SLC17A6: variants seen among roughly 807,000 people sequenced by gnomAD.
The protein encoded by SLC17A6 is vesicular glutamate transporter 2.
SLC17A6 carries 35 observed loss-of-function variants against 67.1 expected under a neutral mutation model. The ratio of observed to expected loss-of-function variants is 0.52; its 90% CI spans 0.40 to 0.69. The LOEUF is 0.69. Among genes scored for constraint, SLC17A6 ranks in the 30% least tolerant of loss-of-function variants. The pLI is 0.00. For missense variants in SLC17A6, 588 were observed against 723.9 expected, an observed-to-expected ratio of 0.81 and a Z score of 2.15; for synonymous variants, 285 against 252.3, an observed-to-expected ratio of 1.13 and a Z score of -1.23.
chr11:22,350,017 T>G (rs1028308919), intron 3 of SLC17A6, among the ~76,000 whole-genome samples: 1 of 152,160 alleles, frequency 6.6e-6, no homozygotes, highest in East Asian at 1.9e-4. Context: ...TCTGTAGAAG[T>G]GACAAGTCAC....
intron 3 of SLC17A6, among the ~76,000 whole-genome samples, chr11:22,346,469 C>T (rs1855876928): frequency 6.6e-6 from 1 of 152,118 alleles, no homozygotes; most frequent in Admixed American, 6.5e-5. Context: ...AACCCAGTCT[C>T]AGAGGAAGGA....
chr11:22,364,377 A>G (rs1048206870), intron 6 of SLC17A6, among the ~76,000 whole-genome samples: 1 of 152,090 alleles, frequency 6.6e-6, no homozygotes, highest in Non-Finnish European at 1.5e-5. Flanking sequence ...TACCTCCTTT[A>G]ACTTTTCTAT....
At chr11:22,369,231 G>A (rs1856146700) in intron 7 of SLC17A6, among the ~76,000 whole-genome samples, 1 of 151,942 alleles carries the variant, frequency 6.6e-6, no homozygotes, top group Admixed American at 6.6e-5. Context: ...ATTAGTCTTG[G>A]GGGAGAATAT....
rs1037109757 is a variant in SLC17A6 at position 22,377,574 on chromosome 11, C to G, written c.1583C>G (p.Thr528Arg). ...FIHEDELDEE[T>R]GDITQNYINY... ...CATGAAGATGAACTCGATGAAGAAA[C>G]AGGGGACATTACTCAAAATTATATA... Residue 528 changes from threonine to arginine, a missense_variant, in exon 12 of 12, where the codon ACA (threonine) becomes AGA (arginine). Transcript: ENST00000263160. 4 of 1,613,920 alleles carry G rather than the reference C, an allele frequency of 2.5e-6. No individual in the cohort carries two copies. The highest frequency in any genetic ancestry group is 2.5e-6 in the Non-Finnish European group (3 of 1,179,996).
chr11:22,360,824 G>C lies in SLC17A6; in HGVS notation c.574-73G>C, dbSNP rs528810688. On this transcript the variant is annotated intron_variant, in intron 4 of 11. Transcript: ENST00000263160. ...TGGAAGGAAGTCTGAAGGGCAGGGA[G>C]GATTTGTACAGGATACTAAAAAGAC... The C allele has an allele frequency of 3.8e-5, 49 of 1,290,512 alleles. No individual in the cohort carries two copies. The African/African-American group carries it at 6.0e-4, about 16-fold the overall frequency. The allele number at this position is 1,290,512 out of a possible 1,614,324, so 79.9% of individuals were successfully genotyped here. A position where few individuals can be genotyped will look rare whatever the true frequency, so the allele number is the denominator to read the frequency against.
chr11:22,356,759 C>T (rs1418811285), intron 3 of SLC17A6, among the ~76,000 whole-genome samples: 1 of 152,166 alleles, frequency 6.6e-6, no homozygotes, highest in Non-Finnish European at 1.5e-5. Context: ...TTGCTTGAAC[C>T]CAGGAGGCAG....
At position 22,338,614 on chromosome 11, in the gene SLC17A6, C is replaced by T. The variant is rs1590374145; in HGVS notation, c.81C>T (p.Ile27=). Reference sequence around the variant, plus strand: ...TTGCTGGAAAATCACTCGGCCAGATCTACAGGTAAGACAAAGCGAACACTT... The same window carrying T: ...TTGCTGGAAAATCACTCGGCCAGATTTACAGGTAAGACAAAGCGAACACTT... The part of the protein sequence containing the change: ...KNFAGKSLGQ[I]YRVLEKKQDT... The change falls in exon 1 of 12, where the codon ATC becomes ATT. Residue 27 remains isoleucine (I), a synonymous_variant. Coordinates refer to ENST00000263160, the MANE Select transcript of SLC17A6 (RefSeq NM_020346.3). 6.2e-7 allele frequency: 1 copy of T among 1,612,314 alleles called. No individual in the cohort carries two copies. The highest frequency in any genetic ancestry group is 8.5e-7 in the Non-Finnish European group (1 of 1,178,864).
Position 22,376,013 on chromosome 11 carries a change from C to G in SLC17A6, c.1206C>G (p.Val402=). 6.2e-7 allele frequency: 1 copy of G among 1,609,816 alleles called. No homozygotes were observed. The highest frequency in any genetic ancestry group is 1.1e-5 in the South Asian group (1 of 90,124). ...GFGMEATLLL[V]VGYSHTRGVA... is the part of the protein sequence containing the mutation. The stretch of plus-strand genomic sequence containing the variant: ...GCATGGAAGCCACACTGCTCCTGGT[C>G]GTTGGCTATTCTCATACTAGAGGGG... The change falls in exon 10 of 12, where the codon GTC becomes GTG. Residue 402 remains valine, a synonymous_variant. Coordinates refer to ENST00000263160, the MANE Select transcript of SLC17A6 (RefSeq NM_020346.3).
intron 3 of SLC17A6, among the ~76,000 whole-genome samples, chr11:22,354,834 T>C (rs979441098): frequency 2.0e-5 from 3 of 152,222 alleles, no homozygotes; most frequent in Non-Finnish European, 1.5e-5. Flanking sequence ...TCTAATATTG[T>C]TGTTCAGTAA....
At chr11:22,353,206 CATG>C (rs1855961521) in intron 3 of SLC17A6, among the ~76,000 whole-genome samples, 2 of 152,100 alleles carry the variant, frequency 1.3e-5, no homozygotes, top group Non-Finnish European at 1.5e-5. Flanking sequence ...ATTTAGTCTT[CATG>C]ATACTTTTTT....
intron 1 of SLC17A6, among the ~76,000 whole-genome samples, chr11:22,339,975 A>T (rs6483847): frequency 0.16 from 24,633 of 152,080 alleles, 2,362 homozygotes; most frequent in East Asian, 0.46. Context: ...GTTTTCTAAC[A>T]TTGTGATCGG....
At chr11:22,338,708 T>C in intron 1 of SLC17A6, 89 bp downstream of exon 1, 1 of 946,220 alleles carries the variant, frequency 1.1e-6, no homozygotes, top group Non-Finnish European at 1.7e-6. Context: ...CTCAGAAAGA[T>C]TGTAATATGA....
rs190352095 is a variant in SLC17A6 at position 22,363,286 on chromosome 11, G to A, written c.748+461G>A. Among the ~76,000 whole-genome samples the A allele has an allele frequency of 6.5e-4, 99 of 152,172 alleles. No individual in the cohort carries two copies. In the East Asian group the frequency reaches 0.013, roughly 20 times the overall value. On this transcript the variant is annotated intron_variant, in intron 6 of 11. Transcript: ENST00000263160. Reference sequence around the variant, plus strand: ...GGTGCTAAAGTGACTATTCAATTCCGTAATGAAATATCAGCAGTTAGCTGC... The same window carrying A: ...GGTGCTAAAGTGACTATTCAATTCCATAATGAAATATCAGCAGTTAGCTGC...
In SLC17A6 at chr11:22,341,404, C is replaced by T. The variant is rs553691262; in HGVS notation, c.87-124C>T. 8 of 1,392,606 alleles carry T rather than the reference C, an allele frequency of 5.7e-6. No individual in the cohort carries two copies. In the African/African-American group the frequency reaches 8.6e-5, roughly 15 times the overall value. The allele number at this position is 1,392,606 out of a possible 1,614,324, so 86.3% of individuals were successfully genotyped here. A position where few individuals can be genotyped will look rare whatever the true frequency, so the allele number is the denominator to read the frequency against. ...GGTGTCACCCCACCACCCTAATCCC[C>T]GAGGGTGGGGGGAGGTCGACGGCCC... On this transcript the variant is annotated intron_variant, in intron 1 of 11. Transcript: ENST00000263160.
intron 3 of SLC17A6, among the ~76,000 whole-genome samples, chr11:22,345,095 C>A (rs1855862033): frequency 6.6e-6 from 1 of 151,584 alleles, no homozygotes; most frequent in African/African-American, 2.4e-5. Context: ...AAAATATTCA[C>A]CTTGTCAAAT....
Position 22,362,780 on chromosome 11 carries a change from A to T in SLC17A6, c.703A>T (p.Ile235Phe), listed in dbSNP as rs1590389137. The T allele has an allele frequency of 6.8e-6, 11 of 1,613,864 alleles. No individual in the cohort carries two copies. The East Asian group carries it at 2.5e-4, about 36-fold the overall frequency. Residue 235 changes from isoleucine (I) to phenylalanine (F), a missense_variant, in exon 6 of 12, where the codon ATT becomes TTT. Physicochemically the swap from Ile to Phe is conservative, Grantham distance 21. Coordinates refer to ENST00000263160, the MANE Select transcript of SLC17A6 (RefSeq NM_020346.3). Reference protein sequence around the residue: ...GAVIAMPLAGILVQYTGWSSV... With the variant: ...GAVIAMPLAGFLVQYTGWSSV... Reference sequence around the variant, plus strand: ...TGTGATTGCAATGCCTTTAGCTGGCATTCTTGTGCAGTACACTGGCTGGTC... The same window carrying T: ...TGTGATTGCAATGCCTTTAGCTGGCTTTCTTGTGCAGTACACTGGCTGGTC...
chr11:22,373,788 G>C (rs1856200066), intron 8 of SLC17A6, among the ~76,000 whole-genome samples: 1 of 152,090 alleles, frequency 6.6e-6, no homozygotes, highest in Non-Finnish European at 1.5e-5. Context: ...ACCTACTGTG[G>C]AGTCATTTAC....
At chr11:22,349,938 T>A (rs1363620256) in intron 3 of SLC17A6, among the ~76,000 whole-genome samples, 1 of 152,114 alleles carries the variant, frequency 6.6e-6, no homozygotes, top group African/African-American at 2.4e-5. Context: ...GGAACACTAG[T>A]CTCCTGTTAA....
In SLC17A6 at chr11:22,377,518, G is replaced by A. The variant is rs1365369228; in HGVS notation, c.1527G>A (p.Glu509=). ...SGEKQPWADP[E]ETSEEKCGFI... ...AGAAACAACCCTGGGCAGACCCGGA[G>A]GAAACAAGTGAAGAAAAATGTGGAT... The change falls in exon 12 of 12, where the codon GAG becomes GAA. Residue 509 remains glutamate, a synonymous_variant. Coordinates refer to ENST00000263160, the MANE Select transcript of SLC17A6 (RefSeq NM_020346.3). The A allele has an allele frequency of 6.2e-7, 1 of 1,614,050 alleles. No individual in the cohort carries two copies. The highest frequency in any genetic ancestry group is 1.1e-5 in the South Asian group (1 of 91,072).
Sources: allele counts gnomAD v4.1 joint callset (sites outside exome capture counted in the v4.1 genomes callset), GRCh38; gene constraint gnomAD v4.1.1; transcripts MANE v1.5; gene names NCBI Gene and HGNC (gene_info 2026-07-23, HGNC 2026-07-21).